TPH2: variants seen among roughly 807,000 people sequenced by gnomAD.
The protein encoded by TPH2 is tryptophan hydroxylase 2, also known as tryptophan 5-hydroxylase 2.
TPH2 carries 27 observed loss-of-function variants against 59.1 expected under a neutral mutation model. That is an observed-to-expected ratio of 0.46 (90% CI 0.34 to 0.63). TPH2 has a LOEUF of 0.63. TPH2 is among the 30% of genes least tolerant of loss of function. The pLI, the probability that TPH2 is intolerant of heterozygous loss-of-function variation, is 0.01. For synonymous variants in TPH2, 220 were observed against 210.5 expected (o/e 1.05, Z -0.39); for missense variants, 523 against 588.3 (o/e 0.89, Z 1.15).
At position 72,031,807 on chromosome 12, in the gene TPH2, C is replaced by A. The variant is rs1592420693; in HGVS notation, c.*112C>A. On this transcript the variant is annotated 3_prime_UTR_variant, in exon 11 of 11. Coordinates refer to ENST00000333850, the MANE Select transcript of TPH2 (RefSeq NM_173353.4). ...TGTCATGGCTTGGCTAATAAGCATGCAATTCCATATATCTATACCATCTTG... is the reference window on the plus strand; with the variant it reads ...TGTCATGGCTTGGCTAATAAGCATGAAATTCCATATATCTATACCATCTTG... 4 of 1,229,524 alleles carry A rather than the reference C, an allele frequency of 3.3e-6. No individual in the cohort carries two copies. The highest frequency in any genetic ancestry group is 4.8e-6 in the Non-Finnish European group (4 of 838,938). The allele number at this position is 1,229,524 out of a possible 1,614,324, so 76.2% of individuals were successfully genotyped here. A position where few individuals can be genotyped will look rare whatever the true frequency, so the allele number is the denominator to read the frequency against.
chr12:71,997,633 C>T (rs1022632226), intron 8 of TPH2, among the ~76,000 whole-genome samples: 1 of 152,094 alleles, frequency 6.6e-6, no homozygotes, highest in Non-Finnish European at 1.5e-5. Flanking sequence ...TTCACCATCT[C>T]TTTTTCTCTC....
chr12:71,986,276 C>T (rs1872431638), intron 7 of TPH2, among the ~76,000 whole-genome samples: 1 of 152,126 alleles, frequency 6.6e-6, no homozygotes, highest in African/African-American at 2.4e-5. Context: ...TTACTCGGCA[C>T]CTCTTAAATT....
At chr12:71,981,038 TG>T (rs1171096346) in intron 7 of TPH2, among the ~76,000 whole-genome samples, 1 of 152,170 alleles carries the variant, frequency 6.6e-6, no homozygotes, top group Non-Finnish European at 1.5e-5. Context: ...TAAAAAGTGC[TG>T]GAGAGCACAG....
chr12:72,028,854 C>T (rs1400890582), intron 9 of TPH2, among the ~76,000 whole-genome samples: 1 of 152,180 alleles, frequency 6.6e-6, no homozygotes, highest in Non-Finnish European at 1.5e-5. Context: ...TTACATTGGT[C>T]AAGCGTGATC....
intron 8 of TPH2, among the ~76,000 whole-genome samples, chr12:71,997,766 A>G (rs1404285104): frequency 1.1e-5 from 1 of 89,200 alleles, no homozygotes; most frequent in Non-Finnish European, 2.8e-5. Flanking sequence ...GGACAGGGGG[A>G]AAAAAAGAGG....
chr12:71,992,112 A>G (rs77250174), intron 7 of TPH2, among the ~76,000 whole-genome samples: 5,889 of 152,282 alleles, frequency 0.039, 228 homozygotes, highest in East Asian at 0.12. Flanking sequence ...GGAGGAAAAG[A>G]GACTTAGGAA....
chr12:72,009,035 A>C (rs1426801550), intron 8 of TPH2, among the ~76,000 whole-genome samples: 1 of 152,194 alleles, frequency 6.6e-6, no homozygotes, highest in Non-Finnish European at 1.5e-5. Flanking sequence ...CATGACATCC[A>C]GATTCTTAGC....
intron 4 of TPH2, among the ~76,000 whole-genome samples, chr12:71,946,846 C>G (rs1354360039): frequency 6.6e-6 from 1 of 152,098 alleles, no homozygotes; most frequent in Non-Finnish European, 1.5e-5. Flanking sequence ...AGGGGGCAAA[C>G]TAATCACCTT....
intron 7 of TPH2, among the ~76,000 whole-genome samples, chr12:71,987,863 A>G (rs747016997): frequency 3.9e-5 from 6 of 152,240 alleles, no homozygotes; most frequent in Non-Finnish European, 8.8e-5. Flanking sequence ...AATAAAAGAA[A>G]AAATAATATA....
At chr12:71,959,674 G>A (rs555024600) in intron 5 of TPH2, among the ~76,000 whole-genome samples, 6 of 152,278 alleles carry the variant, frequency 3.9e-5, no homozygotes, top group African/African-American at 1.4e-4. Context: ...ATTACTAAAG[G>A]AGTTGTGAGT....
In TPH2 at chr12:71,972,729, C is replaced by T; in HGVS notation, c.805+14C>T. The T allele has an allele frequency of 1.2e-6, 2 of 1,611,776 alleles. No homozygotes were observed. Among genetic ancestry groups the T allele is most frequent in the South Asian group, 2.2e-5 (2 of 91,056 alleles). Reference sequence around the variant, plus strand: ...TGTTTCTGAAAGGTAAGATTTCACACAGGCTGTCTCTTATTAGTCAATATC... The same window carrying T: ...TGTTTCTGAAAGGTAAGATTTCACATAGGCTGTCTCTTATTAGTCAATATC... On this transcript the variant is annotated intron_variant, in intron 6 of 10. Coordinates refer to ENST00000333850, the MANE Select transcript of TPH2 (RefSeq NM_173353.4).
chr12:71,960,737 A>G (rs1871655461), intron 5 of TPH2, among the ~76,000 whole-genome samples: 2 of 152,230 alleles, frequency 1.3e-5, no homozygotes, highest in South Asian at 4.1e-4. Flanking sequence ...CAACAGTTGC[A>G]CCAAATTCTA....
rs1872631500 is a variant in TPH2 at position 71,993,736 on chromosome 12, C to G, written c.942-703C>G. On this transcript the variant is annotated intron_variant, in intron 7 of 10. Coordinates refer to ENST00000333850, the MANE Select transcript of TPH2 (RefSeq NM_173353.4). ...GGAAAAGCAACTTTGATGATGATGA[C>G]AATAGAATCCTCTGCCATTACCCAT... Among the ~76,000 whole-genome samples, 3 of 152,302 alleles carry G rather than the reference C, an allele frequency of 2.0e-5. 1 individual carries two copies. In the South Asian group the frequency reaches 6.2e-4, roughly 32 times the overall value.
intron 9 of TPH2, among the ~76,000 whole-genome samples, chr12:72,029,140 T>C (rs1450850229): frequency 1.3e-5 from 2 of 152,212 alleles, no homozygotes; most frequent in East Asian, 1.9e-4. Context: ...TAATGTCTTA[T>C]AGAAGCAATG....
At chr12:71,952,692 C>G (rs1215712492) in intron 5 of TPH2, among the ~76,000 whole-genome samples, 1 of 152,154 alleles carries the variant, frequency 6.6e-6, no homozygotes, top group Non-Finnish European at 1.5e-5. Flanking sequence ...GCATTGGACT[C>G]CAATAGTCTG....
intron 8 of TPH2, among the ~76,000 whole-genome samples, chr12:72,016,889 T>C (rs1475466357): frequency 6.6e-6 from 1 of 152,072 alleles, no homozygotes. Context: ...TTTATGAACA[T>C]TCAAGGACCC....
chr12:71,991,874 GT>G, intron 7 of TPH2, among the ~76,000 whole-genome samples: 1 of 152,172 alleles, frequency 6.6e-6, no homozygotes, highest in East Asian at 1.9e-4. Flanking sequence ...TTCAGTTGTA[GT>G]TTTAAGTACT....
At chr12:71,961,368 G>A (rs1485307857) in intron 5 of TPH2, among the ~76,000 whole-genome samples, 1 of 152,200 alleles carries the variant, frequency 6.6e-6, no homozygotes, top group African/African-American at 2.4e-5. Context: ...ATGGGTGGGT[G>A]AATAAATGAA....
intron 6 of TPH2, among the ~76,000 whole-genome samples, chr12:71,974,588 A>G (rs1006295482): frequency 1.1e-4 from 17 of 152,170 alleles, no homozygotes; most frequent in East Asian, 7.7e-4. Context: ...CTCCATCTCA[A>G]GATCCTTAAG....
Sources: gnomAD v4.1 joint callset for allele counts (sites outside exome capture counted in the v4.1 genomes callset) on GRCh38, gnomAD v4.1.1 for gene constraint, MANE v1.5 for transcripts, NCBI Gene and HGNC (gene_info 2026-07-23, HGNC 2026-07-21) for gene names.